Variants in SYNDIG1 observed in about 807,000 individuals in gnomAD.
The protein encoded by SYNDIG1 is synapse differentiation-inducing gene protein 1.
A neutral mutation model predicts 19.4 loss-of-function variants in SYNDIG1; 9 were observed. The ratio of observed to expected loss-of-function variants is 0.46; its 90% CI spans 0.28 to 0.81. The LOEUF (loss-of-function observed/expected upper bound fraction) is 0.81, where lower values mean the gene tolerates loss of function less well. SYNDIG1 is among the 30% of genes least tolerant of loss of function. SYNDIG1 has a pLI of 0.12. For synonymous variants in SYNDIG1, 141 were observed against 145.9 expected, an observed-to-expected ratio of 0.97 and a Z score of 0.24; for missense variants, 311 against 343.3, an observed-to-expected ratio of 0.91 and a Z score of 0.74.
At chr20:24,545,502 T>C (rs1212677899) in intron 2 of SYNDIG1, among the ~76,000 whole-genome samples, 1 of 152,092 alleles carries the variant, frequency 6.6e-6, no homozygotes, top group Non-Finnish European at 1.5e-5. Context: ...CCAGGAGTTA[T>C]GGGAATGGAA....
intron 3 of SYNDIG1, among the ~76,000 whole-genome samples, chr20:24,656,331 G>T (rs891839387): frequency 2.0e-5 from 3 of 152,222 alleles, no homozygotes; most frequent in Admixed American, 1.3e-4. Flanking sequence ...TAAGGAGAGT[G>T]ACAGTTGTCA....
chr20:24,553,786 A>T (rs142120000), intron 2 of SYNDIG1, among the ~76,000 whole-genome samples: 27 of 152,342 alleles, frequency 1.8e-4, no homozygotes, highest in African/African-American at 6.5e-4. Context: ...TGACTTGGCA[A>T]TGCGGGCTCT....
chr20:24,487,686 C>T (rs1343974058), intron 1 of SYNDIG1, among the ~76,000 whole-genome samples: 2 of 152,194 alleles, frequency 1.3e-5, no homozygotes, highest in Admixed American at 6.5e-5. Context: ...AATATTCCTT[C>T]CTTCTGGAAT....
chr20:24,538,145 T>C (rs1412787794), intron 1 of SYNDIG1, among the ~76,000 whole-genome samples: 2 of 152,220 alleles, frequency 1.3e-5, no homozygotes, highest in Non-Finnish European at 2.9e-5. Context: ...TTAACAATTT[T>C]TAAGTGTACA....
intron 2 of SYNDIG1, among the ~76,000 whole-genome samples, chr20:24,555,047 C>T (rs1375286248): frequency 3.9e-5 from 6 of 152,136 alleles, no homozygotes; most frequent in Non-Finnish European, 1.5e-5. Context: ...GTGTATGTGT[C>T]AAGGAATTTA....
chr20:24,599,290 C>A (rs2058642872), intron 3 of SYNDIG1, among the ~76,000 whole-genome samples: 1 of 152,138 alleles, frequency 6.6e-6, no homozygotes, highest in South Asian at 2.1e-4. Context: ...GAGATATCAT[C>A]ATCTTATCCC....
chr20:24,643,639 G>C (rs1040931146), intron 3 of SYNDIG1, among the ~76,000 whole-genome samples: 10 of 152,208 alleles, frequency 6.6e-5, no homozygotes, highest in African/African-American at 2.4e-4. Context: ...AATACAGTTA[G>C]ATTAATCCAT....
chr20:24,518,330 C>A (rs151042663), intron 1 of SYNDIG1, among the ~76,000 whole-genome samples: 1 of 152,162 alleles, frequency 6.6e-6, no homozygotes, highest in South Asian at 2.1e-4. Context: ...CGACACCTAG[C>A]AATGGGGACT....
chr20:24,599,442 T>G (rs1367848418), intron 3 of SYNDIG1, among the ~76,000 whole-genome samples: 1 of 152,094 alleles, frequency 6.6e-6, no homozygotes, highest in African/African-American at 2.4e-5. Context: ...CTCAAAAAAT[T>G]AAAAATAGAA....
At chr20:24,539,536 C>T (rs1159971371) in intron 1 of SYNDIG1, among the ~76,000 whole-genome samples, 7 of 152,096 alleles carry the variant, frequency 4.6e-5, no homozygotes, top group Admixed American at 4.6e-4. Context: ...TGTGAGTACT[C>T]CTACTTTGTT....
chr20:24,651,655 C>T (rs1049185266), intron 3 of SYNDIG1, among the ~76,000 whole-genome samples: 1 of 152,232 alleles, frequency 6.6e-6, no homozygotes, highest in Non-Finnish European at 1.5e-5. Context: ...GAGTGGCTGT[C>T]ACTGCAGTAC....
At chr20:24,499,349 G>A (rs144683320) in intron 1 of SYNDIG1, among the ~76,000 whole-genome samples, 26 of 152,294 alleles carry the variant, frequency 1.7e-4, no homozygotes, top group African/African-American at 6.3e-4. Flanking sequence ...AATCTTTCCT[G>A]ATCCAGTTCA....
intron 1 of SYNDIG1, among the ~76,000 whole-genome samples, chr20:24,472,686 G>A (rs2055503063): frequency 1.3e-5 from 2 of 152,196 alleles, no homozygotes; most frequent in Non-Finnish European, 2.9e-5. Flanking sequence ...TATTCACTGT[G>A]ACTTCTACTG....
chr20:24,590,481 G>A (rs1368189935), intron 3 of SYNDIG1, among the ~76,000 whole-genome samples: 3 of 152,158 alleles, frequency 2.0e-5, no homozygotes, highest in African/African-American at 4.8e-5. Context: ...AGAACAGGGC[G>A]GAGGGGGAGG....
rs191921783 is a variant in SYNDIG1 at position 24,508,119 on chromosome 20, A to G, written c.-78-34901A>G. Reference sequence around the variant, plus strand: ...AATGAAAAGTAAATTCCTGAGGAAAAGAGAAGATAAAACATAGATAAGAAA... The same window carrying G: ...AATGAAAAGTAAATTCCTGAGGAAAGGAGAAGATAAAACATAGATAAGAAA... On this transcript the variant is annotated intron_variant, in intron 1 of 3. Transcript: ENST00000376862. Among the ~76,000 whole-genome samples the G allele has an allele frequency of 1.0e-3, 156 of 152,272 alleles. 2 individuals are homozygous for G. The highest frequency in any genetic ancestry group is 3.6e-3 in the African/African-American group (148 of 41,560).
chr20:24,474,916 A>G (rs906195969), intron 1 of SYNDIG1, among the ~76,000 whole-genome samples: 2 of 152,360 alleles, frequency 1.3e-5, no homozygotes, highest in South Asian at 2.1e-4. Flanking sequence ...CACATTTCAG[A>G]TAATTAGAAC....
At chr20:24,530,012 G>GAAA (rs2057219182) in intron 1 of SYNDIG1, among the ~76,000 whole-genome samples, 3 of 78,870 alleles carry the variant, frequency 3.8e-5, no homozygotes, top group African/African-American at 1.6e-4. Flanking sequence ...TGGGGATAAT[G>GAAA]ATGGTGATGG....
chr20:24,663,955 G>A (rs2059626493), intron 3 of SYNDIG1, among the ~76,000 whole-genome samples: 1 of 152,162 alleles, frequency 6.6e-6, no homozygotes, highest in Non-Finnish European at 1.5e-5. Flanking sequence ...GGCTCACCAC[G>A]ACTTCATTCA....
At chr20:24,650,636 C>A (rs1259315475) in intron 3 of SYNDIG1, among the ~76,000 whole-genome samples, 1 of 152,220 alleles carries the variant, frequency 6.6e-6, no homozygotes, top group African/African-American at 2.4e-5. Flanking sequence ...AGAGCACCAG[C>A]CCAGCCTCCC....
Sources: allele counts gnomAD v4.1 joint callset (sites outside exome capture counted in the v4.1 genomes callset), GRCh38; gene constraint gnomAD v4.1.1; transcripts MANE v1.5; gene names NCBI Gene and HGNC (gene_info 2026-07-23, HGNC 2026-07-21).